The following RYK variants were observed in gnomAD, a reference collection of about 807,000 sequenced individuals.
RYK encodes the protein receptor like tyrosine kinase.
A neutral mutation model predicts 70.2 loss-of-function variants in RYK; 21 were observed. The ratio of observed to expected loss-of-function variants is 0.30; its 90% CI spans 0.21 to 0.43. RYK has a LOEUF of 0.43. Ranked by LOEUF, RYK falls within the 20% of genes least tolerant of loss-of-function variation. The probability of loss-of-function intolerance (pLI) is 1.00; values close to 1 mark genes in which losing one functional copy is unlikely to be tolerated. For missense variants in RYK, 604 were observed against 753.3 expected, an observed-to-expected ratio of 0.80 and a Z score of 2.32; for synonymous variants, 267 against 278.0, an observed-to-expected ratio of 0.96 and a Z score of 0.39.
In RYK at chr3:134,166,333, A is replaced by C. The variant is rs182625796; in HGVS notation, c.1576-6960T>G. On this transcript the variant is annotated intron_variant, in intron 13 of 14. Coordinates refer to ENST00000623711, the MANE Select transcript of RYK (RefSeq NM_002958.4). ...GGAAAGGGGCTCTCAACAGACACCG[A>C]ACCTGCTGGTACCTAATTTTGGACT... Among the ~76,000 whole-genome samples the C allele has an allele frequency of 2.0e-5, 3 of 152,246 alleles. No homozygotes were observed. The East Asian group carries it at 5.8e-4, about 29-fold the overall frequency.
At chr3:134,187,645 C>A (rs899706377) in intron 9 of RYK, among the ~76,000 whole-genome samples, 4 of 152,168 alleles carry the variant, frequency 2.6e-5, no homozygotes, top group East Asian at 3.9e-4. Flanking sequence ...GCCTTGAATT[C>A]CTGGGCTCAA....
chr3:134,231,318 G>C (rs781676127), intron 1 of RYK, among the ~76,000 whole-genome samples: 1 of 152,040 alleles, frequency 6.6e-6, no homozygotes, highest in Non-Finnish European at 1.5e-5. Context: ...GGTGGATATA[G>C]CCAATTCCTT....
At chr3:134,160,780 G>A (rs747985629) in intron 13 of RYK, among the ~76,000 whole-genome samples, 3 of 152,154 alleles carry the variant, frequency 2.0e-5, no homozygotes, top group Non-Finnish European at 4.4e-5. Flanking sequence ...GCTTAAACCC[G>A]GGAGGCGGAG....
intron 5 of RYK, among the ~76,000 whole-genome samples, chr3:134,204,554 C>G (rs932050597): frequency 5.3e-5 from 8 of 149,986 alleles, no homozygotes; most frequent in African/African-American, 1.7e-4. Flanking sequence ...AAGAAAGCCT[C>G]AGCAACAGGG....
chr3:134,208,668 G>C (rs781547962), intron 4 of RYK, among the ~76,000 whole-genome samples: 10 of 152,172 alleles, frequency 6.6e-5, no homozygotes, highest in Non-Finnish European at 1.0e-4. Flanking sequence ...ACTCAGCACT[G>C]ATTTCAATTG....
chr3:134,217,509 T>C (rs1490242385), intron 2 of RYK, among the ~76,000 whole-genome samples: 2 of 152,188 alleles, frequency 1.3e-5, no homozygotes, highest in Admixed American at 1.3e-4. Context: ...AAAGTACAAC[T>C]ATATAATAAT....
intron 1 of RYK, among the ~76,000 whole-genome samples, chr3:134,223,831 T>C (rs934827431): frequency 6.6e-6 from 1 of 152,184 alleles, no homozygotes. Context: ...GAGCCGGCAC[T>C]ATGGGGTCTG....
chr3:134,221,099 G>A (rs1241968316), intron 2 of RYK, among the ~76,000 whole-genome samples: 1 of 146,666 alleles, frequency 6.8e-6, no homozygotes, highest in Non-Finnish European at 1.5e-5. Flanking sequence ...TCCCTTTTTT[G>A]TTTAAAAAGG....
At chr3:134,159,194 T>C in intron 14 of RYK, 43 bp downstream of exon 14, 1 of 1,592,316 alleles carries the variant, frequency 6.3e-7, no homozygotes, top group Non-Finnish European at 8.6e-7. Context: ...TCCAATATAG[T>C]AAATGGAATA....
intron 4 of RYK, among the ~76,000 whole-genome samples, chr3:134,209,242 A>G (rs2014316179): frequency 6.6e-6 from 1 of 152,246 alleles, no homozygotes; most frequent in Non-Finnish European, 1.5e-5. Flanking sequence ...TTACAGATGA[A>G]AAAACTAAGC....
rs115608493 is a variant in RYK, at chr3:134,243,651, T to C, written c.232+6772A>G. On this transcript the variant is annotated intron_variant, in intron 1 of 14. Coordinates refer to ENST00000623711, the MANE Select transcript of RYK (RefSeq NM_002958.4). ...CACACAGCTGCTTCCACCCTCTATG[T>C]CTTTGTTCACACTACTTTCTCAGCC... 9.2e-3 allele frequency among the ~76,000 whole-genome samples: 1,406 copies of C among 152,272 alleles called. 20 individuals are homozygous for C. The highest frequency in any genetic ancestry group is 0.032 in the African/African-American group (1,333 of 41,546).
chr3:134,192,190 TG>T (rs879039110), intron 7 of RYK, among the ~76,000 whole-genome samples: 15 of 152,258 alleles, frequency 9.9e-5, no homozygotes, highest in Middle Eastern at 3.4e-3. Flanking sequence ...TACTCCAAAA[TG>T]TTAAAATTCT....
In RYK at chr3:134,191,900, C is replaced by T. The variant is rs937537260; in HGVS notation, c.964G>A (p.Asp322Asn). Residue 322 changes from aspartate (D) to asparagine (N), a missense_variant, in exon 8 of 15, where the codon GAT becomes AAT. Asp to Asn is a conservative substitution (Grantham distance 23, BLOSUM62 1). Around this residue, in one of 2 missense-constraint regions of RYK, gnomAD observed 466 missense variants for 535.9 expected, o/e 0.87. Transcript: ENST00000623711. ...TLLEAKGKVKDIAISRERITL... is the reference protein window; with the variant it reads ...TLLEAKGKVKNIAISRERITL... ...ATCCTCTCTCTGGATATTGCTATAT[C>T]CTTCACCTTGCCTTTGGCCTCCAAA... is the stretch of plus-strand genomic sequence containing the variant. 2 of 1,612,958 alleles carry T rather than the reference C, an allele frequency of 1.2e-6. No individual in the cohort carries two copies. Among genetic ancestry groups the T allele is most frequent in the African/African-American group, 2.7e-5 (2 of 74,994 alleles).
chr3:134,180,189 A>G (rs977571918), intron 10 of RYK: 3 of 152,156 alleles, frequency 2.0e-5, no homozygotes, highest in Admixed American at 1.3e-4. Context: ...ACCATCAGGC[A>G]TCTTTGGGCC....
intron 13 of RYK, among the ~76,000 whole-genome samples, chr3:134,169,610 T>C (rs536615544): frequency 3.9e-5 from 6 of 152,310 alleles, no homozygotes; most frequent in African/African-American, 1.2e-4. Context: ...TACTGAAATA[T>C]TGAATCCTTT....
chr3:134,182,070 G>T (rs1239278960), intron 10 of RYK, among the ~76,000 whole-genome samples: 5 of 151,820 alleles, frequency 3.3e-5, no homozygotes, highest in Admixed American at 3.3e-4. Context: ...TAGGAGAATG[G>T]CGTGAACCAG....
chr3:134,158,200 C>G lies in RYK; in HGVS notation c.1777G>C (p.Val593Leu). 1.3e-6 allele frequency: 2 copies of G among 1,577,204 alleles called. No homozygotes were observed. The highest frequency in any genetic ancestry group is 1.7e-6 in the Non-Finnish European group (2 of 1,159,910). Reference protein sequence around the residue: ...PEERPKFQQLVQCLTEFHAAL... With the variant: ...PEERPKFQQLLQCLTEFHAAL... The stretch of plus-strand genomic sequence containing the variant: ...GCATGAAACTCTGTTAGGCACTGTA[C>G]CAGCTGCTGAAACTTGGGCCTCTCC... Residue 593 changes from valine to leucine, a missense_variant, in exon 15 of 15, where the codon GTA (valine) becomes CTA (leucine). Val to Leu is a conservative substitution (Grantham distance 32). Coordinates refer to ENST00000623711, the MANE Select transcript of RYK (RefSeq NM_002958.4).
intron 1 of RYK, among the ~76,000 whole-genome samples, chr3:134,234,730 A>C (rs969072701): frequency 1.3e-5 from 2 of 152,152 alleles, no homozygotes; most frequent in African/African-American, 4.8e-5. Context: ...GAGATTAATA[A>C]AACTTTTGTT....
intron 13 of RYK, among the ~76,000 whole-genome samples, chr3:134,169,768 T>C (rs555684577): frequency 1.3e-5 from 2 of 152,060 alleles, no homozygotes; most frequent in Non-Finnish European, 2.9e-5. Flanking sequence ...ACCGAGAAAA[T>C]GTTCCCTCCA....
Sources: allele counts gnomAD v4.1 joint callset (sites outside exome capture counted in the v4.1 genomes callset), GRCh38; gene constraint gnomAD v4.1.1; regional missense constraint gnomAD v4.1.1; transcripts MANE v1.5; gene names NCBI Gene and HGNC (gene_info 2026-07-23, HGNC 2026-07-21).